Variants in SEPTIN2 observed in about 807,000 individuals in gnomAD.
SEPTIN2 encodes septin-2.
SEPTIN2 carries 34 observed loss-of-function variants against 46.5 expected under a neutral mutation model. The observed-to-expected ratio is 0.73, with a 90% CI of 0.56 to 0.97. The LOEUF is 0.97. Ranked by LOEUF, SEPTIN2 falls within the 50% of genes least tolerant of loss-of-function variation. The pLI, the probability that SEPTIN2 is intolerant of heterozygous loss-of-function variation, is 0.00. For missense variants in SEPTIN2, 347 were observed against 448.4 expected (o/e 0.77, Z 2.04); for synonymous variants, 175 against 153.4 (o/e 1.14, Z -1.04).
intron 7 of SEPTIN2, among the ~76,000 whole-genome samples, chr2:241,340,977 C>T (rs998645720): frequency 6.6e-6 from 1 of 152,210 alleles, no homozygotes; most frequent in South Asian, 2.1e-4. Context: ...CAATTGCTCT[C>T]TCATGGGCTT....
At chr2:241,338,895 A>T (rs1228938803) in intron 7 of SEPTIN2, among the ~76,000 whole-genome samples, 4 of 79,814 alleles carry the variant, frequency 5.0e-5, no homozygotes, top group African/African-American at 1.1e-4. Flanking sequence ...AATATATATT[A>T]TATATATTAT....
At chr2:241,334,521 G>A (rs891899352) in intron 3 of SEPTIN2, among the ~76,000 whole-genome samples, 2 of 152,144 alleles carry the variant, frequency 1.3e-5, no homozygotes, top group Non-Finnish European at 2.9e-5. Context: ...CAAAGTGAGC[G>A]GGAAAGTTGC....
chr2:241,332,563 C>T (rs899979321), intron 3 of SEPTIN2, among the ~76,000 whole-genome samples: 3 of 152,206 alleles, frequency 2.0e-5, no homozygotes, highest in African/African-American at 7.2e-5. Flanking sequence ...AAAAATGCCA[C>T]AACCAGTATG....
chr2:241,343,969 T>A (rs1407954262), intron 9 of SEPTIN2, 72 bp downstream of exon 9: 14 of 1,561,790 alleles, frequency 9.0e-6, no homozygotes, highest in Non-Finnish European at 1.2e-5. Context: ...GGGTGTACAC[T>A]TGGCCCCCAA....
chr2:241,334,911 G>T (rs1414541267), intron 3 of SEPTIN2, among the ~76,000 whole-genome samples: 4 of 152,078 alleles, frequency 2.6e-5, no homozygotes, highest in African/African-American at 7.2e-5. Context: ...TCAAATCTTG[G>T]CCCTGCTCTG....
At chr2:241,338,947 AT>A in intron 7 of SEPTIN2, among the ~76,000 whole-genome samples, 1 of 80,136 alleles carries the variant, frequency 1.2e-5, no homozygotes, top group Non-Finnish European at 2.4e-5. Context: ...TATATATATT[AT>A]ATATATAATA....
intron 7 of SEPTIN2, among the ~76,000 whole-genome samples, chr2:241,338,509 G>A (rs1274191819): frequency 6.7e-6 from 1 of 148,916 alleles, no homozygotes; most frequent in Non-Finnish European, 1.5e-5. Context: ...GGATACAGCA[G>A]GGGGTTCAGG....
intron 3 of SEPTIN2, among the ~76,000 whole-genome samples, chr2:241,332,333 A>T (rs539357621): frequency 1.8e-4 from 28 of 152,362 alleles, no homozygotes; most frequent in African/African-American, 6.7e-4. Flanking sequence ...CAGTAAGACG[A>T]ATGACCCACT....
chr2:241,328,887 G>T (rs1228204328), intron 3 of SEPTIN2, among the ~76,000 whole-genome samples: 3 of 151,402 alleles, frequency 2.0e-5, no homozygotes, highest in African/African-American at 7.3e-5. Flanking sequence ...GGGCATGGTG[G>T]TGGAGGCCTG....
At chr2:241,317,663 C>A in intron 1 of SEPTIN2, 2 of 600,440 alleles carry the variant, frequency 3.3e-6, no homozygotes, top group South Asian at 7.3e-5. Context: ...CTGCCCCAGT[C>A]CCTGTTAGGA....
At chr2:241,351,845 G>A (rs2060819487) in intron 12 of SEPTIN2, 122 bp from the exon 13 acceptor site, 2 of 152,196 alleles carry the variant, frequency 1.3e-5, no homozygotes, top group South Asian at 4.1e-4. Flanking sequence ...TTGTGGTCAT[G>A]TAAGCCCTGC....
At chr2:241,346,306 C>T (rs767155731) in intron 10 of SEPTIN2, 57 bp downstream of exon 10, 86 of 1,371,220 alleles carry the variant, frequency 6.3e-5, no homozygotes, top group Non-Finnish European at 8.1e-5. Flanking sequence ...CAATGTTCCT[C>T]CTCCTCTATG....
intron 7 of SEPTIN2, among the ~76,000 whole-genome samples, chr2:241,338,913 A>G (rs1200617008): frequency 1.7e-5 from 1 of 60,146 alleles, no homozygotes; most frequent in African/African-American, 5.8e-5. Flanking sequence ...TATATATAAT[A>G]TATATAATTG....
rs1464144492 is a variant in SEPTIN2 at position 241,338,909 on chromosome 2, TA to T, written c.594+1121del. On this transcript the variant is annotated intron_variant, in intron 7 of 12. Coordinates refer to ENST00000391971, the MANE Select transcript of SEPTIN2 (RefSeq NM_004404.5). ...TAATATATATTATATATATTATATA[TA>T]ATATATATAATTGTACATATATTTA... Among the ~76,000 whole-genome samples the T allele has an allele frequency of 5.3e-3, 429 of 80,436 alleles. 5 individuals carry two copies. The highest frequency in any genetic ancestry group is 0.019 in the African/African-American group (410 of 21,804). 52.8% of individuals were successfully genotyped at this position (80,436 alleles called of 152,430 possible).
intron 1 of SEPTIN2, among the ~76,000 whole-genome samples, chr2:241,320,771 A>G (rs1357416781): frequency 1.3e-5 from 2 of 152,142 alleles, no homozygotes; most frequent in African/African-American, 2.4e-5. Context: ...CCTGGGCAAC[A>G]AGAGCAAAAC....
At chr2:241,322,900 G>A (rs958543243) in intron 1 of SEPTIN2, among the ~76,000 whole-genome samples, 38 of 152,230 alleles carry the variant, frequency 2.5e-4, no homozygotes, top group African/African-American at 7.9e-4. Flanking sequence ...GTATGTATCC[G>A]TGTGTATCCC....
At chr2:241,324,469 C>T in intron 2 of SEPTIN2, 1 of 505,578 alleles carries the variant, frequency 2.0e-6, no homozygotes, top group East Asian at 3.8e-5. Context: ...CTCACTGCAA[C>T]TTCTGCCTCC....
At chr2:241,349,927 T>G (rs995548688) in intron 11 of SEPTIN2, 146 bp from the exon 12 acceptor site, 2 of 682,670 alleles carry the variant, frequency 2.9e-6, no homozygotes, top group Non-Finnish European at 2.6e-6. Flanking sequence ...CTTTTTTTAT[T>G]GATTGGTAAA....
intron 3 of SEPTIN2, among the ~76,000 whole-genome samples, chr2:241,332,531 G>A (rs2079166892): frequency 6.6e-6 from 1 of 152,180 alleles, no homozygotes; most frequent in South Asian, 2.1e-4. Context: ...GAAACAACTG[G>A]AACTCTTACT....
Sources: allele counts gnomAD v4.1 joint callset (sites outside exome capture counted in the v4.1 genomes callset), GRCh38; gene constraint gnomAD v4.1.1; transcripts MANE v1.5; gene names NCBI Gene and HGNC (gene_info 2026-07-23, HGNC 2026-07-21).